The following MPHOSPH9 variants were observed in gnomAD, a reference collection of about 807,000 sequenced individuals.
MPHOSPH9 encodes the protein M-phase phosphoprotein 9.
In MPHOSPH9, 88 loss-of-function variants were observed where a neutral mutation model predicts 145.5. The observed-to-expected ratio is 0.60, with a 90% confidence interval of 0.51 to 0.72. The LOEUF (loss-of-function observed/expected upper bound fraction) is 0.72. Ranked by LOEUF, MPHOSPH9 falls within the 30% of genes least tolerant of loss-of-function variation. The pLI, the probability that MPHOSPH9 is intolerant of heterozygous loss-of-function variation, is 0.00. For synonymous variants in MPHOSPH9, 435 were observed against 486.2 expected (o/e 0.89, Z 1.39); for missense variants, 1,238 against 1,386.6 (o/e 0.89, Z 1.70).
intron 8 of MPHOSPH9, among the ~76,000 whole-genome samples, chr12:123,208,877 G>A (rs2046569149): frequency 6.6e-6 from 1 of 151,972 alleles, no homozygotes; most frequent in South Asian, 2.1e-4. Flanking sequence ...AAACTATGAT[G>A]CCCAGCTCAA....
chr12:123,160,628 T>A (rs1206913038), intron 23 of MPHOSPH9, 153 bp downstream of exon 23: 8 of 606,978 alleles, frequency 1.3e-5, no homozygotes, highest in Middle Eastern at 3.0e-4. Context: ...AAAATTGCTA[T>A]AATCAAACAC....
At chr12:123,214,380 A>G (rs1593212787) in intron 7 of MPHOSPH9, among the ~76,000 whole-genome samples, 2 of 152,098 alleles carry the variant, frequency 1.3e-5, no homozygotes, top group East Asian at 3.9e-4. Flanking sequence ...CTCTACAAAA[A>G]AATACAAAAG....
At chr12:123,212,539 C>A (rs1345916141) in intron 7 of MPHOSPH9, among the ~76,000 whole-genome samples, 6 of 151,880 alleles carry the variant, frequency 4.0e-5, no homozygotes, top group African/African-American at 9.7e-5. Flanking sequence ...AAAACTCTAT[C>A]TCTACTAAAA....
chr12:123,168,322 C>T (rs986296300), intron 16 of MPHOSPH9, among the ~76,000 whole-genome samples: 1 of 151,770 alleles, frequency 6.6e-6, no homozygotes, highest in Non-Finnish European at 1.5e-5. Flanking sequence ...ACCGCCTGAC[C>T]GCCTGGCAAC....
At chr12:123,184,870 C>A (rs1467578007) in intron 13 of MPHOSPH9, among the ~76,000 whole-genome samples, 1 of 152,122 alleles carries the variant, frequency 6.6e-6, no homozygotes, top group Non-Finnish European at 1.5e-5. Context: ...GTGGTGTGAT[C>A]TCAACTCACT....
At position 123,202,820 on chromosome 12, in the gene MPHOSPH9, C is replaced by G; in HGVS notation, c.1585G>C (p.Glu529Gln). The G allele has an allele frequency of 2.5e-6, 4 of 1,614,118 alleles. No homozygotes were observed. Among genetic ancestry groups the G allele is most frequent in the Non-Finnish European group, 3.4e-6 (4 of 1,180,046 alleles). Residue 529 changes from glutamate to glutamine, a missense_variant, in exon 10 of 24, where the codon GAA becomes CAA. Around this residue, in one of 3 missense-constraint regions of MPHOSPH9, gnomAD observed 837 missense variants for 897.5 expected, o/e 0.93. Transcript: ENST00000606320. Reference protein sequence around the residue: ...DSWKNQTFQNESRTSSTFPSV... With the variant: ...DSWKNQTFQNQSRTSSTFPSV... ...GGAAACGTGGAACTGGTCCTACTTT[C>G]GTTTTGGAATGTCTGATTTTTCCAA... is the stretch of plus-strand genomic sequence containing the variant.
chr12:123,242,948 A>G (rs1404263384), intron 1 of MPHOSPH9, among the ~76,000 whole-genome samples: 1 of 152,194 alleles, frequency 6.6e-6, no homozygotes, highest in Non-Finnish European at 1.5e-5. Flanking sequence ...TGCCTGATAC[A>G]CAAATGAATT....
chr12:123,221,328 CTAAATGTAA>C, intron 5 of MPHOSPH9, 35 bp downstream of exon 5: 8 of 1,426,146 alleles, frequency 5.6e-6, no homozygotes, highest in Non-Finnish European at 7.6e-6. Context: ...ACACTAGATT[CTAAATGTAA>C]TAAACTCCCT....
intron 19 of MPHOSPH9, 57 bp downstream of exon 19, chr12:123,163,893 G>A (rs763725867): frequency 8.7e-6 from 14 of 1,603,214 alleles, no homozygotes; most frequent in Middle Eastern, 1.7e-4. Context: ...GGCACAAATA[G>A]ATTTGACTCA....
chr12:123,189,884 C>T (rs1323464657), intron 13 of MPHOSPH9, among the ~76,000 whole-genome samples: 2 of 150,232 alleles, frequency 1.3e-5, no homozygotes, highest in African/African-American at 4.9e-5. Context: ...TGCAGTGAGC[C>T]GAGATGGTGC....
rs554278318 is a variant in MPHOSPH9, at chr12:123,174,667, C to T, written c.2456+2021G>A. Reference sequence around the variant, plus strand: ...GATTACAGGCGTGAGCCACCGCACCCGGCATGACTCCAAAATTTATCATAC... The same window carrying T: ...GATTACAGGCGTGAGCCACCGCACCTGGCATGACTCCAAAATTTATCATAC... On this transcript the variant is annotated intron_variant, in intron 16 of 23. Transcript: ENST00000606320. Among the ~76,000 whole-genome samples the T allele has an allele frequency of 5.3e-5, 8 of 152,184 alleles. No individual in the cohort carries two copies. The South Asian group carries it at 6.2e-4, about 12-fold the overall frequency.
chr12:123,217,229 C>T (rs1437770167), intron 6 of MPHOSPH9, among the ~76,000 whole-genome samples: 3 of 151,090 alleles, frequency 2.0e-5, no homozygotes, highest in Admixed American at 6.6e-5. Flanking sequence ...GACGGAATCT[C>T]GCTCTTTTGC....
intron 16 of MPHOSPH9, among the ~76,000 whole-genome samples, chr12:123,174,662 G>A (rs568713164): frequency 7.2e-5 from 11 of 152,054 alleles, no homozygotes; most frequent in South Asian, 2.1e-4. Context: ...GTGAGCCACC[G>A]CACCCGGCAT....
intron 13 of MPHOSPH9, among the ~76,000 whole-genome samples, chr12:123,186,644 A>G (rs1486500351): frequency 6.6e-6 from 1 of 152,184 alleles, no homozygotes; most frequent in Non-Finnish European, 1.5e-5. Flanking sequence ...CCACAATTAT[A>G]GATAATATGT....
intron 1 of MPHOSPH9, among the ~76,000 whole-genome samples, chr12:123,242,610 T>G (rs1158885671): frequency 6.6e-6 from 1 of 152,200 alleles, no homozygotes; most frequent in African/African-American, 2.4e-5. Context: ...GAATTAACTG[T>G]TAAACAAAGC....
rs1272964014 is a variant in MPHOSPH9 at position 123,163,109 on chromosome 12, T to C, written c.2934A>G (p.Pro978=). 1 of 1,587,906 alleles carries C rather than the reference T, an allele frequency of 6.3e-7. No homozygotes were observed. Residue 978 remains proline, a synonymous_variant, in exon 20 of 24, where the codon CCA becomes CCG. Coordinates refer to ENST00000606320, the MANE Select transcript of MPHOSPH9 (RefSeq NM_022782.4). ...GCTTTGGACTATAAGCCACAGTCAC[T>C]GGTGTTAGCATAATCTCTCTTTTTG... ...TPTKREIMLT[P]VTVAYSPKRS... is the part of the protein sequence containing the mutation.
At chr12:123,207,416 T>C (rs2046484189) in intron 8 of MPHOSPH9, among the ~76,000 whole-genome samples, 1 of 152,132 alleles carries the variant, frequency 6.6e-6, no homozygotes, top group Admixed American at 6.6e-5. Context: ...GTACGGAACA[T>C]TGGTTTCCGT....
chr12:123,173,254 A>G (rs2044673890), intron 16 of MPHOSPH9, among the ~76,000 whole-genome samples: 1 of 152,134 alleles, frequency 6.6e-6, no homozygotes, highest in Non-Finnish European at 1.5e-5. Context: ...ATTAGCCTCC[A>G]GCTTGCAAAG....
downstream of MPHOSPH9, among the ~76,000 whole-genome samples, chr12:123,153,576 G>A (rs1052876633): frequency 5.9e-5 from 9 of 152,030 alleles, no homozygotes; most frequent in Non-Finnish European, 1.2e-4. Context: ...AGACCAGGAT[G>A]GCCAACATGG....
Sources: gnomAD v4.1 joint callset for allele counts (sites outside exome capture counted in the v4.1 genomes callset) on GRCh38, gnomAD v4.1.1 for gene constraint, gnomAD v4.1.1 regional missense constraint, MANE v1.5 for transcripts, NCBI Gene and HGNC (gene_info 2026-07-23, HGNC 2026-07-21) for gene names.